The following EIF4G3 variants were observed in gnomAD, a reference collection of about 807,000 sequenced individuals.
The protein encoded by EIF4G3 is eukaryotic translation initiation factor 4 gamma 3, also known as eIF-4-gamma 3.
A neutral mutation model predicts 186.4 loss-of-function variants in EIF4G3; 34 were observed. The ratio of observed to expected loss-of-function variants is 0.18; its 90% CI spans 0.14 to 0.24. The LOEUF is 0.24. EIF4G3 is among the 10% of genes least tolerant of loss of function. The probability of loss-of-function intolerance (pLI) is 1.00; values close to 1 mark genes in which losing one functional copy is unlikely to be tolerated. For missense variants in EIF4G3, 1,536 were observed against 1,948.5 expected, an observed-to-expected ratio of 0.79 and a Z score of 3.99; for synonymous variants, 673 against 679.5, an observed-to-expected ratio of 0.99 and a Z score of 0.15.
chr1:21,162,226 G>C (rs1167537673), intron 2 of EIF4G3: 1 of 152,028 alleles, frequency 6.6e-6, no homozygotes, highest in African/African-American at 2.4e-5. Flanking sequence ...AAAGCAGGCA[G>C]AATCACCAGA....
intron 4 of EIF4G3, among the ~76,000 whole-genome samples, chr1:21,033,088 A>G (rs1194864084): frequency 6.6e-6 from 1 of 152,154 alleles, no homozygotes; most frequent in African/African-American, 2.4e-5. Flanking sequence ...TAACCTCACT[A>G]TGTTTCTAGA....
intron 2 of EIF4G3, among the ~76,000 whole-genome samples, chr1:21,149,492 G>A (rs924653719): frequency 3.3e-5 from 5 of 152,074 alleles, no homozygotes; most frequent in African/African-American, 9.7e-5. Flanking sequence ...CCAGATATAC[G>A]GTATTTTACT....
At chr1:21,099,154 T>G (rs951851849) in intron 2 of EIF4G3, among the ~76,000 whole-genome samples, 1 of 152,186 alleles carries the variant, frequency 6.6e-6, no homozygotes, top group Admixed American at 6.5e-5. Flanking sequence ...ACTGGAAATC[T>G]CACACGTTGG....
At position 20,827,638 on chromosome 1, in the gene EIF4G3, C is replaced by T; in HGVS notation, c.4248G>A (p.Leu1416=). 6.2e-7 allele frequency: 1 copy of T among 1,610,930 alleles called. No homozygotes were observed. Among genetic ancestry groups the T allele is most frequent in the Non-Finnish European group, 8.5e-7 (1 of 1,177,500 alleles). Residue 1416 remains leucine, a synonymous_variant, in exon 32 of 37, where the codon TTG becomes TTA. Transcript: ENST00000602326. Reference sequence around the variant, plus strand: ...TCACCATTTGTTTGCATAGTAGGTGCAATATTTCAGATAGCAAGACCCCAG... The same window carrying T: ...TCACCATTTGTTTGCATAGTAGGTGTAATATTTCAGATAGCAAGACCCCAG... ...GRAGVLLSEI[L]HLLCKQMSHK...
Position 20,810,876 on chromosome 1 carries a change from A to G in EIF4G3, c.4606T>C (p.Ser1536Pro), listed in dbSNP as rs760219845. Residue 1536 changes from serine (S) to proline (P), a missense_variant, in exon 36 of 37, where the codon TCT becomes CCT. Physicochemically the swap from Ser to Pro is moderately conservative, Grantham distance 74 (BLOSUM62 -1). Transcript: ENST00000602326. The surrounding 1 kb of genome is among the most constrained non-coding windows in gnomAD (Gnocchi z 4.1). The stretch of plus-strand genomic sequence containing the variant: ...ACAGCAGTGTCCACTCTGAAGGTAG[A>G]AGAGTCGGCTAAAGGTGATAGAAGA... The part of the protein sequence containing the change: ...VCKAAIIADS[S>P]TFRVDTAVIK... The G allele has an allele frequency of 6.2e-7, 1 of 1,612,918 alleles. No homozygotes were observed. Among genetic ancestry groups the G allele is most frequent in the South Asian group, 1.1e-5 (1 of 91,066 alleles).
intron 2 of EIF4G3, among the ~76,000 whole-genome samples, chr1:21,141,797 A>T (rs1421136676): frequency 6.6e-6 from 1 of 151,954 alleles, no homozygotes; most frequent in African/African-American, 2.4e-5. Context: ...CAGCCGTGGT[A>T]GTGTGGGCCT....
intron 4 of EIF4G3, among the ~76,000 whole-genome samples, chr1:21,050,415 G>A (rs79998362): frequency 0.03 from 4,490 of 152,140 alleles, 138 homozygotes; most frequent in East Asian, 0.14. Flanking sequence ...TACAATAATC[G>A]ACTTACAAAA....
At chr1:20,989,550 T>C (rs1570486245) in intron 7 of EIF4G3, among the ~76,000 whole-genome samples, 1 of 42,026 alleles carries the variant, frequency 2.4e-5, no homozygotes, top group African/African-American at 9.4e-5. Context: ...AGAGCAAAAC[T>C]CCAACTCAAA....
At chr1:21,172,244 C>T (rs59537090) in intron 2 of EIF4G3, among the ~76,000 whole-genome samples, 56,038 of 151,668 alleles carry the variant, frequency 0.37, 10,973 homozygotes, top group Non-Finnish European at 0.43. Flanking sequence ...TGGGTTAATT[C>T]TTACTCATTC....
At chr1:20,956,394 C>A (rs2096417594) in intron 12 of EIF4G3, among the ~76,000 whole-genome samples, 1 of 151,994 alleles carries the variant, frequency 6.6e-6, no homozygotes, top group Non-Finnish European at 1.5e-5. Context: ...TGTACAGAAT[C>A]AACAGAGGAG....
At chr1:20,939,856 T>G (rs915339932) in intron 14 of EIF4G3, among the ~76,000 whole-genome samples, 1 of 135,650 alleles carries the variant, frequency 7.4e-6, no homozygotes, top group Non-Finnish European at 1.5e-5. Flanking sequence ...AGTTTTTTTT[T>G]TTTTTTTTTT....
intron 28 of EIF4G3, 135 bp from the exon 29 acceptor site, chr1:20,849,665 A>G (rs2072603955): frequency 2.3e-6 from 1 of 430,410 alleles, no homozygotes; most frequent in South Asian, 8.3e-5. Context: ...AAAACAGAAT[A>G]CAGAAACCTT....
At chr1:20,956,480 A>G (rs1334107541) in intron 12 of EIF4G3, among the ~76,000 whole-genome samples, 1 of 152,124 alleles carries the variant, frequency 6.6e-6, no homozygotes, top group Admixed American at 6.5e-5. Flanking sequence ...AGGCTACAAT[A>G]ACAGCAGTGA....
chr1:20,929,368 T>TAATG (rs1475563205), intron 14 of EIF4G3: 2 of 152,156 alleles, frequency 1.3e-5, no homozygotes, highest in African/African-American at 4.8e-5. Context: ...ATAAATGACA[T>TAATG]AATGGGTACA....
At chr1:20,995,492 C>T (rs1291769346) in intron 7 of EIF4G3, among the ~76,000 whole-genome samples, 2 of 152,132 alleles carry the variant, frequency 1.3e-5, no homozygotes, top group Non-Finnish European at 2.9e-5. Flanking sequence ...TTGCCTCAGC[C>T]TCCCAAGTAA....
At chr1:20,866,413 T>C (rs2077581229) in intron 20 of EIF4G3, among the ~76,000 whole-genome samples, 1 of 152,200 alleles carries the variant, frequency 6.6e-6, no homozygotes, top group East Asian at 1.9e-4. Flanking sequence ...CACTGCATAT[T>C]TCCTTTCAGC....
At position 20,929,648 on chromosome 1, in the gene EIF4G3, ATGT is replaced by A. The variant is rs938540740; in HGVS notation, c.1663+11840_1663+11842del. 9 of 152,200 alleles carry A rather than the reference ATGT, an allele frequency of 5.9e-5. No homozygotes were observed. The South Asian group carries it at 6.2e-4, about 10-fold the overall frequency. 9.4% of individuals were successfully genotyped at this position (152,200 alleles called of 1,614,324 possible). ...ATTCAGAGTGCTTAATATGTGTCAG[ATGT>A]TGTGCTAAGTACTTTACATACATCA... is the stretch of plus-strand genomic sequence containing the variant. On this transcript the variant is annotated intron_variant, in intron 14 of 36. Coordinates refer to ENST00000602326, the MANE Select transcript of EIF4G3 (RefSeq NM_001391906.1).
chr1:20,933,328 G>C (rs1478187934), intron 14 of EIF4G3, among the ~76,000 whole-genome samples: 1 of 152,096 alleles, frequency 6.6e-6, no homozygotes, highest in Non-Finnish European at 1.5e-5. Context: ...AGGAAATGGA[G>C]AGGAGGGAAC....
intron 2 of EIF4G3, among the ~76,000 whole-genome samples, chr1:21,116,771 G>A (rs554917552): frequency 3.3e-5 from 5 of 151,202 alleles, no homozygotes; most frequent in Non-Finnish European, 5.9e-5. Context: ...CCCAGGAGGC[G>A]GATGTTGCAG....
Sources: allele counts gnomAD v4.1 joint callset (sites outside exome capture counted in the v4.1 genomes callset), GRCh38; gene constraint gnomAD v4.1.1; non-coding constraint Gnocchi (gnomAD v3.1); transcripts MANE v1.5; gene names NCBI Gene and HGNC (gene_info 2026-07-23, HGNC 2026-07-21).